Variants in ANK2 observed in about 807,000 individuals in gnomAD.
ANK2 encodes ankyrin-2.
ANK2 carries 83 observed loss-of-function variants against 360.5 expected under a neutral mutation model. The observed-to-expected ratio is 0.23, with a 90% CI of 0.19 to 0.28. The LOEUF (loss-of-function observed/expected upper bound fraction) is 0.28. Ranked by LOEUF, ANK2 falls within the 10% of genes least tolerant of loss-of-function variation. The probability of loss-of-function intolerance (pLI) is 1.00; values close to 1 mark genes in which losing one functional copy is unlikely to be tolerated. For missense variants in ANK2, 4,201 were observed against 4,795.7 expected (o/e 0.88, Z 3.66); for synonymous variants, 1,740 against 1,759.5 (o/e 0.99, Z 0.28).
upstream of ANK2, among the ~76,000 whole-genome samples, chr4:113,044,973 T>A (rs552124048): frequency 6.6e-6 from 1 of 152,284 alleles, no homozygotes; most frequent in South Asian, 2.1e-4. Flanking sequence ...CCATAAGTAA[T>A]AGTGAGTGGG....
the ANK2 span, among the ~76,000 whole-genome samples, chr4:112,736,658 A>C: frequency 0.73 from 111,492 of 152,024 alleles, 41,526 homozygotes; most frequent in East Asian, 0.97. Context: ...GTTAGAGAGG[A>C]ATTTCCTTGC....
At chr4:113,206,975 G>A (rs1244356990) in intron 4 of ANK2, among the ~76,000 whole-genome samples, 1 of 152,142 alleles carries the variant, frequency 6.6e-6, no homozygotes, top group African/African-American at 2.4e-5. Context: ...AGTGAGCTGA[G>A]ATCGCTGCAC....
chr4:112,854,291 G>A (rs760150817), intron 1 of ANK2, among the ~76,000 whole-genome samples: 2 of 152,162 alleles, frequency 1.3e-5, no homozygotes, highest in Non-Finnish European at 2.9e-5. Flanking sequence ...TGGATCTTTC[G>A]GAGGAAAATA....
intron 2 of ANK2, among the ~76,000 whole-genome samples, chr4:112,972,143 A>G (rs908810831): frequency 3.3e-5 from 5 of 152,166 alleles, no homozygotes; most frequent in African/African-American, 7.2e-5. Context: ...TCAGTGTCCA[A>G]TAGACTGTAG....
At chr4:113,290,078 T>C (rs1303016279) in intron 20 of ANK2, among the ~76,000 whole-genome samples, 1 of 152,188 alleles carries the variant, frequency 6.6e-6, no homozygotes, top group Non-Finnish European at 1.5e-5. Flanking sequence ...CTATATTGTC[T>C]AGAGAATATC....
chr4:112,809,514 T>A, the ANK2 span, among the ~76,000 whole-genome samples: 1 of 142,670 alleles, frequency 7.0e-6, no homozygotes, highest in Non-Finnish European at 1.5e-5. Flanking sequence ...TGAGCCGAGA[T>A]CTCGCCACTG....
intron 6 of ANK2, 23 bp from the exon 7 acceptor site, chr4:113,237,576 T>C (rs2099393431): frequency 1.9e-6 from 3 of 1,603,232 alleles, no homozygotes; most frequent in East Asian, 4.5e-5. Context: ...CTTCCCTCTT[T>C]CTTCCAAACA....
intron 1 of ANK2, among the ~76,000 whole-genome samples, chr4:113,077,527 C>CT (rs1224583673): frequency 6.6e-6 from 1 of 152,024 alleles, no homozygotes; most frequent in African/African-American, 2.4e-5. Flanking sequence ...CTAAATGAAC[C>CT]TTTTTAACAT....
At chr4:113,333,910 G>A (rs2093028619) in intron 29 of ANK2, among the ~76,000 whole-genome samples, 1 of 152,142 alleles carries the variant, frequency 6.6e-6, no homozygotes, top group Admixed American at 6.5e-5. Flanking sequence ...ATGAAAAGAG[G>A]AAAGCGGCTC....
the ANK2 span, among the ~76,000 whole-genome samples, chr4:112,784,642 C>T: frequency 6.6e-6 from 1 of 152,076 alleles, no homozygotes; most frequent in South Asian, 2.1e-4. Flanking sequence ...CCCGTCCGGC[C>T]CGGGCTGGTC....
At position 113,354,686 on chromosome 4, in the gene ANK2, A is replaced by G. The variant is rs2095635117; in HGVS notation, c.6068A>G (p.Glu2023Gly). ...TCAGCAAAACAAAAGCAGCCACAAG[A>G]GAAAGGTAAAGTTCGGGTAGAAAAA... ...HKSAKQKQPQ[E>G]KGKVRVEKEK... The change falls in exon 38 of 46, where the codon GAG becomes GGG. Residue 2023 changes from glutamate to glycine, a missense_variant. This residue lies in a region of ANK2 where 2,642 missense variants were observed against 2,714.5 expected (regional missense o/e 0.97). Transcript: ENST00000357077. The G allele has an allele frequency of 6.2e-7, 1 of 1,614,152 alleles. No homozygotes were observed. The highest frequency in any genetic ancestry group is 8.5e-7 in the Non-Finnish European group (1 of 1,180,016).
At chr4:113,171,632 GATATTAC>G (rs2153221671) in intron 1 of ANK2, among the ~76,000 whole-genome samples, 1 of 152,256 alleles carries the variant, frequency 6.6e-6, no homozygotes, top group South Asian at 2.1e-4. Context: ...GAATGGCTCA[GATATTAC>G]ATTTCCATAG....
intron 2 of ANK2, among the ~76,000 whole-genome samples, chr4:113,192,813 T>G (rs2098689578): frequency 6.6e-6 from 1 of 152,140 alleles, no homozygotes; most frequent in African/African-American, 2.4e-5. Flanking sequence ...CTCTTCATTT[T>G]TCTTGATTTT....
At chr4:113,257,629 G>A (rs964295786) in intron 11 of ANK2, among the ~76,000 whole-genome samples, 1 of 152,214 alleles carries the variant, frequency 6.6e-6, no homozygotes, top group Non-Finnish European at 1.5e-5. Context: ...TTAAGTAGAT[G>A]AATAATTCTT....
chr4:112,898,817 T>A (rs2082456713), intron 1 of ANK2, among the ~76,000 whole-genome samples: 1 of 152,204 alleles, frequency 6.6e-6, no homozygotes, highest in Non-Finnish European at 1.5e-5. Context: ...AAGAATTTTT[T>A]TGTAGTTGAC....
chr4:113,003,416 A>G (rs1009858376), intron 2 of ANK2, among the ~76,000 whole-genome samples: 5 of 152,216 alleles, frequency 3.3e-5, no homozygotes, highest in Non-Finnish European at 5.9e-5. Flanking sequence ...AATGAAAAAA[A>G]ATAATGAATC....
intron 23 of ANK2, among the ~76,000 whole-genome samples, chr4:113,305,933 C>G (rs1362012663): frequency 6.6e-6 from 1 of 152,116 alleles, no homozygotes; most frequent in Non-Finnish European, 1.5e-5. Context: ...TTAGGTTCTT[C>G]AAGATAAAAT....
At position 113,354,830 on chromosome 4, in the gene ANK2, C is replaced by T; in HGVS notation, c.6212C>T (p.Ser2071Phe). 1 of 1,614,084 alleles carries T rather than the reference C, an allele frequency of 6.2e-7. No individual in the cohort carries two copies. The highest frequency in any genetic ancestry group is 1.3e-5 in the African/African-American group (1 of 75,024). The change falls in exon 38 of 46, where the codon TCC becomes TTC. Residue 2071 changes from serine (S) to phenylalanine (F), a missense_variant. By Grantham distance (155) the Ser-to-Phe change is radical. Transcript: ENST00000357077. The part of the protein sequence containing the change: ...TAESKRGVRV[S>F]SIGVKKEDAA... ...GAATCCAAAAGAGGAGTTCGTGTTT[C>T]CTCCATAGGAGTTAAGAAAGAAGAT... is the stretch of plus-strand genomic sequence containing the variant.
chr4:113,192,956 G>T (rs1264976884), intron 2 of ANK2, among the ~76,000 whole-genome samples: 1 of 151,596 alleles, frequency 6.6e-6, no homozygotes, highest in Non-Finnish European at 1.5e-5. Context: ...CCTTGATGGG[G>T]CTAGACAGGG....
Sources: allele counts gnomAD v4.1 joint callset (sites outside exome capture counted in the v4.1 genomes callset), GRCh38; gene constraint gnomAD v4.1.1; regional missense constraint gnomAD v4.1.1; transcripts MANE v1.5; gene names NCBI Gene and HGNC (gene_info 2026-07-23, HGNC 2026-07-21).